The following TSTD2 variants were observed in gnomAD, a reference collection of about 807,000 sequenced individuals.
TSTD2 encodes thiosulfate sulfurtransferase like domain containing 2, also known as thiosulfate sulfurtransferase/rhodanese-like domain-containing protein 2.
TSTD2 carries 37 observed loss-of-function variants against 47.9 expected under a neutral mutation model. The ratio of observed to expected loss-of-function variants is 0.77; its 90% CI spans 0.59 to 1.02. The LOEUF is 1.02. Ranked by LOEUF, TSTD2 falls within the 50% of genes least tolerant of loss-of-function variation. The pLI is 0.00. For synonymous variants in TSTD2, 201 were observed against 215.9 expected (o/e 0.93, Z 0.61); for missense variants, 586 against 616.0 (o/e 0.95, Z 0.52).
intron 1 of TSTD2, among the ~76,000 whole-genome samples, 151 bp from the exon 2 acceptor site, chr9:97,627,763 G>A (rs1308740031): frequency 1.3e-5 from 2 of 152,188 alleles, no homozygotes; most frequent in African/African-American, 2.4e-5. Flanking sequence ...ACTTAGGAAC[G>A]ACTCGAAGTC....
At chr9:97,611,474 T>G in intron 5 of TSTD2, 100 bp downstream of exon 5, 2 of 1,343,568 alleles carry the variant, frequency 1.5e-6, no homozygotes, top group Non-Finnish European at 2.0e-6. Context: ...GGGTATTTAT[T>G]TGGCACTGCT....
In TSTD2 at chr9:97,601,427, G is replaced by A; in HGVS notation, c.*1042C>T. On this transcript the variant is annotated 3_prime_UTR_variant, in exon 10 of 10. Transcript: ENST00000341170. ...TCAAATGTCACCGAGCTTATATGAA[G>A]CTCCCAGAGAGAACATTTAAAAGCT... is the stretch of plus-strand genomic sequence containing the variant. 1 of 1,027,784 alleles carries A rather than the reference G, an allele frequency of 9.7e-7. No individual in the cohort carries two copies. The highest frequency in any genetic ancestry group is 1.2e-6 in the Non-Finnish European group (1 of 854,544). 63.7% of individuals were successfully genotyped at this position (1,027,784 alleles called of 1,614,324 possible). A position where few individuals can be genotyped will look rare whatever the true frequency, so the allele number is the denominator to read the frequency against.
chr9:97,621,533 C>A (rs1022557154), intron 3 of TSTD2, among the ~76,000 whole-genome samples: 8 of 152,186 alleles, frequency 5.3e-5, no homozygotes, highest in African/African-American at 1.7e-4. Flanking sequence ...TCGCTGAATT[C>A]TTTTCCCAGT....
chr9:97,608,779 TA>T (rs1424243942), intron 6 of TSTD2, among the ~76,000 whole-genome samples: 6 of 152,236 alleles, frequency 3.9e-5, no homozygotes, highest in Admixed American at 1.3e-4. Context: ...ATGGGAACAG[TA>T]AGCAGACAAC....
Position 97,600,689 on chromosome 9 carries a change from T to A in TSTD2, c.*1780A>T. 1.0e-6 allele frequency: 1 copy of A among 1,001,724 alleles called. No individual in the cohort carries two copies. The highest frequency in any genetic ancestry group is 1.2e-6 in the Non-Finnish European group (1 of 839,944). 62.1% of individuals were successfully genotyped at this position (1,001,724 alleles called of 1,614,324 possible). On this transcript the variant is annotated 3_prime_UTR_variant, in exon 10 of 10. Coordinates refer to ENST00000341170, the MANE Select transcript of TSTD2 (RefSeq NM_139246.5). ...TGCTGCTGACCTTACGCCTGTATATTAAGCCTCCGCAGGATGCCGGACAAT... is the reference window on the plus strand; with the variant it reads ...TGCTGCTGACCTTACGCCTGTATATAAAGCCTCCGCAGGATGCCGGACAAT...
At chr9:97,604,974 CGCT>C in intron 8 of TSTD2, 109 bp from the exon 9 acceptor site, 2 of 1,491,718 alleles carry the variant, frequency 1.3e-6, no homozygotes, top group Non-Finnish European at 1.8e-6. Flanking sequence ...GACTCATGGC[CGCT>C]GCTATCAGTC....
At chr9:97,624,908 T>C (rs1164095209) in intron 3 of TSTD2, among the ~76,000 whole-genome samples, 1 of 152,204 alleles carries the variant, frequency 6.6e-6, no homozygotes, top group Non-Finnish European at 1.5e-5. Context: ...GATAATGATA[T>C]CTAGCTTAAA....
intron 1 of TSTD2, among the ~76,000 whole-genome samples, chr9:97,629,569 C>T (rs748002044): frequency 6.6e-6 from 1 of 152,212 alleles, no homozygotes; most frequent in Non-Finnish European, 1.5e-5. Flanking sequence ...TCTTTAGCTT[C>T]TCTTTCCTTT....
rs995805167 is a variant in TSTD2, at chr9:97,600,984, G to A, written c.*1485C>T. 1.7e-6 allele frequency: 2 copies of A among 1,210,482 alleles called. No individual in the cohort carries two copies. Among genetic ancestry groups the A allele is most frequent in the Admixed American group, 3.5e-5 (1 of 28,876 alleles). The allele number at this position is 1,210,482 out of a possible 1,614,324, so 75.0% of individuals were successfully genotyped here. On this transcript the variant is annotated 3_prime_UTR_variant, in exon 10 of 10. Transcript: ENST00000341170. ...ATCTCATGATAAAGGACAAGGTCAA[G>A]AACTCCAGAGCACTGAGCAGAGAGG...
rs997914638 is a variant in TSTD2, at chr9:97,602,496, A to G, written c.1524T>C (p.Ala508=). ...QPVSPEPGPD[A]DEDGPVLM is the part of the protein sequence containing the mutation. Reference sequence around the variant, plus strand: ...ACATAAGCACTGGCCCATCCTCATCAGCATCAGGCCCTGGCTCTGGGCTCA... The same window carrying G: ...ACATAAGCACTGGCCCATCCTCATCGGCATCAGGCCCTGGCTCTGGGCTCA... The change falls in exon 10 of 10, where the codon GCT becomes GCC. Residue 508 remains alanine (A), a synonymous_variant. Transcript: ENST00000341170. 27 of 1,612,542 alleles carry G rather than the reference A, an allele frequency of 1.7e-5. No homozygotes were observed. The highest frequency in any genetic ancestry group is 1.5e-4 in the Admixed American group (9 of 59,892).
At chr9:97,617,532 G>C (rs577544114) in intron 4 of TSTD2, among the ~76,000 whole-genome samples, 1 of 152,208 alleles carries the variant, frequency 6.6e-6, no homozygotes, top group South Asian at 2.1e-4. Context: ...CTACTATCTG[G>C]TTCTTCAAGA....
chr9:97,605,659 C>T lies in TSTD2; in HGVS notation c.955-18G>A. The T allele has an allele frequency of 1.2e-6, 2 of 1,613,954 alleles. No individual in the cohort carries two copies. Among genetic ancestry groups the T allele is most frequent in the Non-Finnish European group, 1.7e-6 (2 of 1,179,928 alleles). ...AATCGTCCCTGTAACATAGGAGCAA[C>T]AAAAGGAAAATTATCAGAAAAACAT... On this transcript the variant is annotated intron_variant, in intron 7 of 9. Transcript: ENST00000341170.
intron 6 of TSTD2, among the ~76,000 whole-genome samples, chr9:97,609,032 G>GA (rs113299665): frequency 0.12 from 17,945 of 152,004 alleles, 3,002 homozygotes; most frequent in African/African-American, 0.37. Context: ...CTCTAGTCCT[G>GA]GTTGTTAATA....
At position 97,605,511 on chromosome 9, in the gene TSTD2, T is replaced by C. The variant is rs1227712464; in HGVS notation, c.1085A>G (p.Glu362Gly). ...LMYCTGGIRCERGSAYLKAKG... is the reference protein window; with the variant it reads ...LMYCTGGIRCGRGSAYLKAKG... ...GGCTTTGAGGTAGGCTGAACCCCGC[T>C]CACAGCGGATGCCCCCGGTACAGTA... Residue 362 changes from glutamate (E) to glycine (G), a missense_variant, in exon 8 of 10, where the codon GAG (glutamate) becomes GGG (glycine). Coordinates refer to ENST00000341170, the MANE Select transcript of TSTD2 (RefSeq NM_139246.5). The C allele has an allele frequency of 3.1e-6, 5 of 1,613,866 alleles. No homozygotes were observed. Among genetic ancestry groups the C allele is most frequent in the Non-Finnish European group, 4.2e-6 (5 of 1,179,940 alleles).
At chr9:97,617,719 G>T (rs1159768833) in intron 4 of TSTD2, 38 bp downstream of exon 4, 1 of 1,577,024 alleles carries the variant, frequency 6.3e-7, no homozygotes, top group African/African-American at 1.4e-5. Context: ...CAGGCAAGAT[G>T]GACCCAGTGA....
At chr9:97,617,899 C>A (rs1205422761) in intron 3 of TSTD2, 22 bp from the exon 4 acceptor site, 1 of 1,602,472 alleles carries the variant, frequency 6.2e-7, no homozygotes, top group South Asian at 1.1e-5. Context: ...AAATCCAAGG[C>A]AAAGAGCATT....
At position 97,602,545 on chromosome 9, in the gene TSTD2, A is replaced by C. The variant is rs1269663203; in HGVS notation, c.1475T>G (p.Leu492Arg). ...TARRPRIPRE[L>R]LQHVRQPVSP... ...CACAGGCTGTCGCACATGCTGCAAG[A>C]GTTCCCTAGGTATGCGTGGCCGTCG... Residue 492 changes from leucine (L) to arginine (R), a missense_variant, in exon 10 of 10, where the codon CTC (leucine) becomes CGC (arginine). By Grantham distance (102) the Leu-to-Arg change is moderately radical (BLOSUM62 -2). Coordinates refer to ENST00000341170, the MANE Select transcript of TSTD2 (RefSeq NM_139246.5). 2 of 1,614,082 alleles carry C rather than the reference A, an allele frequency of 1.2e-6. No homozygotes were observed. The highest frequency in any genetic ancestry group is 1.7e-6 in the Non-Finnish European group (2 of 1,180,020).
intron 5 of TSTD2, 32 bp downstream of exon 5, chr9:97,611,542 T>C: frequency 6.3e-7 from 1 of 1,576,396 alleles, no homozygotes; most frequent in Non-Finnish European, 8.7e-7. Flanking sequence ...AGCAGATGGC[T>C]CTAGATCCAT....
intron 4 of TSTD2, among the ~76,000 whole-genome samples, chr9:97,617,188 A>T (rs1826558077): frequency 6.6e-6 from 1 of 152,222 alleles, no homozygotes; most frequent in Non-Finnish European, 1.5e-5. Context: ...ATGTGAGCCG[A>T]GATCTGAAGT....
Sources: gnomAD v4.1 joint callset for allele counts (sites outside exome capture counted in the v4.1 genomes callset) on GRCh38, gnomAD v4.1.1 for gene constraint, MANE v1.5 for transcripts, NCBI Gene and HGNC (gene_info 2026-07-23, HGNC 2026-07-21) for gene names.